MYCBP2: variants seen among roughly 807,000 people sequenced by gnomAD.
MYCBP2 encodes MYC binding protein 2, also known as E3 ubiquitin-protein ligase MYCBP2.
In MYCBP2, 120 loss-of-function variants were observed where a neutral mutation model predicts 525.3. That is an observed-to-expected ratio of 0.23 (90% confidence interval 0.20 to 0.27). The LOEUF is 0.27. Ranked by LOEUF, MYCBP2 falls within the 10% of genes least tolerant of loss-of-function variation. MYCBP2 has a pLI of 1.00. For missense variants in MYCBP2, 4,149 were observed against 5,657.1 expected (o/e 0.73, Z 8.55); for synonymous variants, 1,894 against 1,955.8 (o/e 0.97, Z 0.83).
intron 4 of MYCBP2, among the ~76,000 whole-genome samples, chr13:77,277,110 T>C (rs1473407165): frequency 1.3e-5 from 2 of 152,020 alleles, no homozygotes; most frequent in Non-Finnish European, 2.9e-5. Flanking sequence ...ACATGAGACA[T>C]GAGAATGGTA....
rs1464142496 is a variant in MYCBP2, at chr13:77,121,472, A to C, written c.8041T>G (p.Ser2681Ala). ...EDEQALLDQNSQTPPPSPFSV... is the reference protein window; with the variant it reads ...EDEQALLDQNAQTPPPSPFSV... ...AAAGGGCTTGGAGGAGGAGTTTGAG[A>C]ATTCTGATCCAGAAGAGCTTGTTCT... Residue 2681 changes from serine to alanine, a missense_variant, in exon 55 of 83, where the codon TCT becomes GCT. Ser to Ala is a moderately conservative substitution (Grantham distance 99, BLOSUM62 1). Transcript: ENST00000544440. 1 of 1,583,764 alleles carries C rather than the reference A, an allele frequency of 6.3e-7. No homozygotes were observed. The highest frequency in any genetic ancestry group is 2.3e-5 in the East Asian group (1 of 44,412).
intron 14 of MYCBP2, among the ~76,000 whole-genome samples, chr13:77,256,398 T>C (rs1271237390): frequency 6.6e-6 from 1 of 152,062 alleles, no homozygotes; most frequent in South Asian, 2.1e-4. Context: ...TAGAAGATGA[T>C]TGGAGTAAGC....
At chr13:77,224,372 A>T in intron 20 of MYCBP2, 79 bp downstream of exon 20, 1 of 887,420 alleles carries the variant, frequency 1.1e-6, no homozygotes, top group Non-Finnish European at 1.8e-6. Context: ...ACTTAAAAAG[A>T]GAAAAGAAAG....
chr13:77,249,961 C>T (rs1175974890), intron 15 of MYCBP2, among the ~76,000 whole-genome samples: 2 of 152,234 alleles, frequency 1.3e-5, no homozygotes, highest in Middle Eastern at 3.4e-3. Context: ...CGGTGGCTCA[C>T]GCCTGTAATC....
chr13:77,227,402 C>T (rs542678639), intron 18 of MYCBP2, among the ~76,000 whole-genome samples: 5 of 143,536 alleles, frequency 3.5e-5, no homozygotes, highest in Non-Finnish European at 7.6e-5. Flanking sequence ...ATAAAATATA[C>T]TCAGTTCAAA....
At chr13:77,054,398 CT>C (rs1393289249) in intron 80 of MYCBP2, among the ~76,000 whole-genome samples, 3 of 151,302 alleles carry the variant, frequency 2.0e-5, no homozygotes, top group Non-Finnish European at 4.4e-5. Context: ...GATTTTAGAT[CT>C]AGAAGTATTA....
chr13:77,265,623 A>G (rs2073958233), intron 8 of MYCBP2, among the ~76,000 whole-genome samples: 1 of 152,192 alleles, frequency 6.6e-6, no homozygotes, highest in Admixed American at 6.6e-5. Context: ...AACTTGAAAC[A>G]TGGTATTCAT....
intron 14 of MYCBP2, among the ~76,000 whole-genome samples, chr13:77,251,958 A>G (rs1175442453): frequency 6.6e-6 from 1 of 151,448 alleles, no homozygotes; most frequent in Non-Finnish European, 1.5e-5. Flanking sequence ...TTCCTTCCTC[A>G]TTTACAAGAT....
At chr13:77,090,302 A>G in intron 59 of MYCBP2, 39 bp from the exon 60 acceptor site, 1 of 1,528,756 alleles carries the variant, frequency 6.5e-7, no homozygotes, top group Middle Eastern at 1.7e-4. Flanking sequence ...AACTCAGAAG[A>G]GCTGAATGAA....
chr13:77,144,923 T>G (rs1037633562), intron 48 of MYCBP2, among the ~76,000 whole-genome samples: 1 of 152,214 alleles, frequency 6.6e-6, no homozygotes, highest in Non-Finnish European at 1.5e-5. Context: ...GTCCCTCCCC[T>G]TGTGCTGTGA....
chr13:77,184,985 G>T, intron 32 of MYCBP2, 118 bp downstream of exon 32: 1 of 1,002,164 alleles, frequency 1.0e-6, no homozygotes, highest in Non-Finnish European at 1.4e-6. Context: ...TACACCGAAT[G>T]ATTTCCTAAT....
At chr13:77,205,068 TA>T (rs1254851643) in intron 26 of MYCBP2, among the ~76,000 whole-genome samples, 187 bp downstream of exon 26, 1 of 151,786 alleles carries the variant, frequency 6.6e-6, no homozygotes, top group Non-Finnish European at 1.5e-5. Flanking sequence ...TAAATAAATT[TA>T]AAAAATTTAG....
Position 77,121,370 on chromosome 13 carries a change from T to A in MYCBP2, c.8140+3A>T. ...AGTAAAAGACTTACTTTTAAATACC[T>A]ACCTTTGCTATTTCCGAGTCCATAA... On this transcript the variant is annotated splice_donor_region_variant and intron_variant, in intron 55 of 82. Transcript: ENST00000544440. The A allele has an allele frequency of 1.3e-6, 2 of 1,539,254 alleles. No homozygotes were observed. The highest frequency in any genetic ancestry group is 1.8e-6 in the Non-Finnish European group (2 of 1,135,176).
At chr13:77,111,129 T>C (rs2048747306) in intron 55 of MYCBP2, among the ~76,000 whole-genome samples, 1 of 152,128 alleles carries the variant, frequency 6.6e-6, no homozygotes, top group Admixed American at 6.6e-5. Flanking sequence ...CCTTCCTAAA[T>C]TGAGTGCAAA....
chr13:77,081,417 G>T lies in MYCBP2; in HGVS notation c.11418+10C>A, dbSNP rs747295777. The T allele has an allele frequency of 6.2e-7, 1 of 1,607,754 alleles. No individual in the cohort carries two copies. ...AGCTAAAGAGCCGTAAATCACGTTT[G>T]CTTTCTTACCCCAAGATCTCGGGAA... On this transcript the variant is annotated intron_variant, in intron 65 of 82. Coordinates refer to ENST00000544440, the MANE Select transcript of MYCBP2 (RefSeq NM_015057.5). This position sits in a 1 kb window ranked among gnomAD's most constrained non-coding sequence, Gnocchi z 4.6.
At chr13:77,243,532 G>C (rs914713970) in intron 16 of MYCBP2, among the ~76,000 whole-genome samples, 3 of 151,120 alleles carry the variant, frequency 2.0e-5, no homozygotes, top group Non-Finnish European at 4.4e-5. Flanking sequence ...ACAATCACTT[G>C]AACCTAGAAG....
At chr13:77,282,097 G>A (rs1488160723) in intron 3 of MYCBP2, among the ~76,000 whole-genome samples, 1 of 152,084 alleles carries the variant, frequency 6.6e-6, no homozygotes, top group Non-Finnish European at 1.5e-5. Context: ...AAGAGAGGAG[G>A]AGAAGGCTAA....
chr13:77,203,254 GACAA>G lies in MYCBP2; in HGVS notation c.3843+1998_3843+2001del, dbSNP rs1349771095. On this transcript the variant is annotated intron_variant, in intron 26 of 82. Transcript: ENST00000544440. ...TAAGCATTCTTATACACCAACAACA[GACAA>G]ACAGAGAGCCAAATCATGAGTGAAC... is the stretch of plus-strand genomic sequence containing the variant. 8.6e-5 allele frequency among the ~76,000 whole-genome samples: 13 copies of G among 151,976 alleles called. No homozygotes were observed. The South Asian group carries it at 2.7e-3, about 32-fold the overall frequency.
rs1335171561 is a variant in MYCBP2, at chr13:77,097,627, T to G, written c.9527A>C (p.Lys3176Thr). Residue 3176 changes from lysine to threonine, a missense_variant, in exon 56 of 83, where the codon AAA becomes ACA. Physicochemically the swap from Lys to Thr is moderately conservative, Grantham distance 78. This residue lies in a region of MYCBP2 where 653 missense variants were observed against 744.7 expected (regional missense o/e 0.88). Transcript: ENST00000544440. ...AAAAATCATATTCTGGGAAGCAGCT[T>G]TGATAGTAGCCAAAGAGATGTCTTC... Reference protein sequence around the residue: ...FWEDISLATIKAASQNMIFPS... With the variant: ...FWEDISLATITAASQNMIFPS... The G allele has an allele frequency of 6.2e-7, 1 of 1,613,732 alleles. No homozygotes were observed. The highest frequency in any genetic ancestry group is 1.1e-5 in the South Asian group (1 of 91,072).
Sources: allele counts gnomAD v4.1 joint callset (sites outside exome capture counted in the v4.1 genomes callset), GRCh38; gene constraint gnomAD v4.1.1; regional missense constraint gnomAD v4.1.1; non-coding constraint Gnocchi (gnomAD v3.1); transcripts MANE v1.5; gene names NCBI Gene and HGNC (gene_info 2026-07-23, HGNC 2026-07-21).